The following CDYL2 variants were observed in gnomAD, a reference collection of about 807,000 sequenced individuals.
The protein encoded by CDYL2 is chromodomain Y like 2.
A neutral mutation model predicts 49.4 loss-of-function variants in CDYL2; 23 were observed. The ratio of observed to expected loss-of-function variants is 0.47; its 90% confidence interval spans 0.34 to 0.66. The LOEUF (loss-of-function observed/expected upper bound fraction) is 0.66, where lower values mean the gene tolerates loss of function less well. CDYL2 is among the 30% of genes least tolerant of loss of function. CDYL2 has a pLI of 0.01. For missense variants in CDYL2, 678 were observed against 656.4 expected, an observed-to-expected ratio of 1.03 and a Z score of -0.36; for synonymous variants, 360 against 268.8, an observed-to-expected ratio of 1.34 and a Z score of -3.32.
chr16:80,756,603 T>C (rs1906318289), intron 1 of CDYL2, among the ~76,000 whole-genome samples: 3 of 152,108 alleles, frequency 2.0e-5, no homozygotes, highest in Admixed American at 2.0e-4. Flanking sequence ...TGAAGCATTA[T>C]AAAATGTTTC....
At chr16:80,754,730 G>A (rs1199983598) in intron 1 of CDYL2, among the ~76,000 whole-genome samples, 2 of 152,216 alleles carry the variant, frequency 1.3e-5, no homozygotes, top group Non-Finnish European at 2.9e-5. Flanking sequence ...ACCTGGCATA[G>A]AGCATGAGCT....
At chr16:80,678,992 C>G (rs1374228460) in intron 2 of CDYL2, among the ~76,000 whole-genome samples, 1 of 150,716 alleles carries the variant, frequency 6.6e-6, no homozygotes, top group African/African-American at 2.5e-5. Flanking sequence ...AATCATCATT[C>G]TCAGTAAACT....
chr16:80,665,473 G>A (rs1295125883), intron 2 of CDYL2, among the ~76,000 whole-genome samples: 6 of 143,246 alleles, frequency 4.2e-5, no homozygotes, highest in African/African-American at 1.3e-4. Context: ...CAAGTATTAG[G>A]TTGGTGAAAA....
chr16:80,771,615 G>C (rs931208822), intron 1 of CDYL2, among the ~76,000 whole-genome samples: 16 of 152,090 alleles, frequency 1.1e-4, no homozygotes, highest in African/African-American at 3.9e-4. Context: ...TGAGGCAGGA[G>C]AATCACCTGA....
At chr16:80,630,689 C>A (rs1393286617) in intron 3 of CDYL2, among the ~76,000 whole-genome samples, 1 of 152,096 alleles carries the variant, frequency 6.6e-6, no homozygotes, top group East Asian at 1.9e-4. Flanking sequence ...AGAGAAGGGG[C>A]AGCACACAAC....
At chr16:80,800,014 G>C (rs1210240785) in intron 1 of CDYL2, among the ~76,000 whole-genome samples, 1 of 152,188 alleles carries the variant, frequency 6.6e-6, no homozygotes, top group Non-Finnish European at 1.5e-5. Context: ...ACGTCTGTGT[G>C]GGTTCATATG....
intron 2 of CDYL2, among the ~76,000 whole-genome samples, chr16:80,660,219 G>C (rs562747364): frequency 3.9e-5 from 6 of 152,054 alleles, no homozygotes; most frequent in Middle Eastern, 3.4e-3. Context: ...TTCAGAGGAA[G>C]ACACGGGTAA....
chr16:80,712,848 T>G (rs1904667068), intron 1 of CDYL2, among the ~76,000 whole-genome samples: 1 of 152,216 alleles, frequency 6.6e-6, no homozygotes, highest in African/African-American at 2.4e-5. Flanking sequence ...GCTCTGAATT[T>G]TATATCCCCT....
chr16:80,605,349 CATATT>C (rs1323849571), intron 6 of CDYL2, among the ~76,000 whole-genome samples: 3 of 147,542 alleles, frequency 2.0e-5, no homozygotes, highest in African/African-American at 4.9e-5. Flanking sequence ...ATAATATATA[CATATT>C]ATATTATGTA....
At position 80,612,646 on chromosome 16, in the gene CDYL2, G is replaced by T. The variant is rs1906650478; in HGVS notation, c.1198C>A (p.Gln400Lys). 2 of 1,610,430 alleles carry T rather than the reference G, an allele frequency of 1.2e-6. No homozygotes were observed. The highest frequency in any genetic ancestry group is 3.9e-4 in the Middle Eastern group (2 of 5,138). ...PAGCSSYTFPQILGVALANEM... is the reference protein window; with the variant it reads ...PAGCSSYTFPKILGVALANEM... ...CTTACCAGCGCGACGCCCAGGATCT[G>T]GGGGAAGGTGTAGGAGGAGCAGCCA... Residue 400 changes from glutamine to lysine, a missense_variant, in exon 5 of 7, where the codon CAG becomes AAG. Physicochemically the swap from Gln to Lys is moderately conservative, Grantham distance 53 (BLOSUM62 1). Coordinates refer to ENST00000570137, the MANE Select transcript of CDYL2 (RefSeq NM_152342.4). The surrounding 1 kb of genome is among the most constrained non-coding windows in gnomAD (Gnocchi z 5.0).
At chr16:80,764,262 G>A (rs767662432) in intron 1 of CDYL2, among the ~76,000 whole-genome samples, 6 of 152,154 alleles carry the variant, frequency 3.9e-5, no homozygotes, top group African/African-American at 1.2e-4. Flanking sequence ...TCAAACAGTA[G>A]AGAGTACCTA....
intron 3 of CDYL2, among the ~76,000 whole-genome samples, chr16:80,627,302 A>T (rs2142384324): frequency 6.6e-6 from 1 of 152,326 alleles, no homozygotes; most frequent in Non-Finnish European, 1.5e-5. Context: ...TAAAAAAAAA[A>T]AGAAACCCTG....
rs185670574 is a variant in CDYL2 at position 80,774,523 on chromosome 16, C to T, written c.24+29627G>A. Among the ~76,000 whole-genome samples, 23 of 151,764 alleles carry T rather than the reference C, an allele frequency of 1.5e-4. No homozygotes were observed. In the East Asian group the frequency reaches 3.3e-3, roughly 22 times the overall value. On this transcript the variant is annotated intron_variant, in intron 1 of 6. Transcript: ENST00000570137. ...TGTTAATAACAATGTATTATATACT[C>T]CAAAACTGCTAAAATAGATCTTTAA...
At position 80,605,484 on chromosome 16, in the gene CDYL2, T is replaced by C. The variant is rs879024432; in HGVS notation, c.1363-938A>G. On this transcript the variant is annotated intron_variant, in intron 6 of 6. Transcript: ENST00000570137. ...CTACCATCATCATAGTAATGAGCAA[T>C]AATCATAGTAATAATAGTCACAACA... Among the ~76,000 whole-genome samples the C allele has an allele frequency of 1.3e-5, 2 of 149,278 alleles. 1 individual carries two copies. Among genetic ancestry groups the C allele is most frequent in the Admixed American group, 1.3e-4 (2 of 14,918 alleles).
intron 1 of CDYL2, among the ~76,000 whole-genome samples, chr16:80,717,043 C>G (rs368105997): frequency 2.0e-5 from 2 of 101,562 alleles, no homozygotes; most frequent in African/African-American, 5.0e-5. Context: ...GATGGATGCA[C>G]GGATGGATGG....
intron 1 of CDYL2, among the ~76,000 whole-genome samples, chr16:80,772,858 C>A (rs911384294): frequency 6.6e-6 from 1 of 152,096 alleles, no homozygotes; most frequent in Non-Finnish European, 1.5e-5. Flanking sequence ...ATAATGTTCT[C>A]AGTCAATAAA....
intron 1 of CDYL2, among the ~76,000 whole-genome samples, chr16:80,733,149 G>A (rs1478400581): frequency 6.6e-6 from 1 of 152,284 alleles, no homozygotes; most frequent in East Asian, 1.9e-4. Flanking sequence ...GCAAGGTTGA[G>A]GCAGTTCCCT....
chr16:80,767,326 C>G (rs1387097537), intron 1 of CDYL2, among the ~76,000 whole-genome samples: 1 of 152,128 alleles, frequency 6.6e-6, no homozygotes, highest in African/African-American at 2.4e-5. Context: ...GTTCTCTGAG[C>G]CTATTTTACT....
intron 3 of CDYL2, among the ~76,000 whole-genome samples, chr16:80,626,862 C>T (rs191399386): frequency 6.6e-6 from 1 of 152,250 alleles, no homozygotes; most frequent in Admixed American, 6.5e-5. Context: ...GAATTTTATT[C>T]CAAACAAAAA....
Sources: gnomAD v4.1 joint callset for allele counts (sites outside exome capture counted in the v4.1 genomes callset) on GRCh38, gnomAD v4.1.1 for gene constraint, Gnocchi (gnomAD v3.1) non-coding constraint, MANE v1.5 for transcripts, NCBI Gene and HGNC (gene_info 2026-07-23, HGNC 2026-07-21) for gene names.